ROPN1: variants seen among roughly 807,000 people sequenced by gnomAD.
The protein encoded by ROPN1 is ropporin-1A.
Under a neutral mutation model 20.5 loss-of-function variants are expected in ROPN1, and 14 were observed. The ratio of observed to expected loss-of-function variants is 0.68; its 90% confidence interval spans 0.45 to 1.07. ROPN1 has a LOEUF of 1.07. Among genes scored for constraint, ROPN1 ranks in the 50% least tolerant of loss-of-function variants. The probability of loss-of-function intolerance (pLI) is 0.00; values close to 1 mark genes in which losing one functional copy is unlikely to be tolerated. For missense variants in ROPN1, 169 were observed against 242.8 expected (o/e 0.70, Z 2.02); for synonymous variants, 76 against 95.7 (o/e 0.79, Z 1.20).
At position 123,980,474 on chromosome 3, in the gene ROPN1, T is replaced by C. The variant is rs1440187857; in HGVS notation, c.8A>G (p.Gln3Arg). The change falls in exon 2 of 6, where the codon CAG (glutamine) becomes CGG (arginine). Residue 3 changes from glutamine (Q) to arginine (R), a missense_variant. Around this residue, in one of 3 missense-constraint regions of ROPN1, gnomAD observed 84 missense variants for 99.3 expected, o/e 0.85. Transcript: ENST00000405845. MA[Q>R]TDKPTCIPPE... ...CGGGATGCATGTTGGCTTATCTGTC[T>C]GAGCCATTGATTGGTTGGCCTATTC... 1.9e-6 allele frequency: 3 copies of C among 1,614,032 alleles called. No homozygotes were observed. The highest frequency in any genetic ancestry group is 1.7e-6 in the Non-Finnish European group (2 of 1,180,010).
intron 1 of ROPN1, among the ~76,000 whole-genome samples, chr3:123,984,021 G>T (rs959287121): frequency 6.6e-6 from 1 of 152,034 alleles, no homozygotes; most frequent in Non-Finnish European, 1.5e-5. Context: ...GATAGCATAC[G>T]CCATTCTTGT....
At chr3:123,979,652 C>T (rs1158396403) in intron 2 of ROPN1, 3 of 375,042 alleles carry the variant, frequency 8.0e-6, no homozygotes, top group African/African-American at 6.4e-5. Context: ...TGAAAGAAGG[C>T]ACCCGTGTTT....
intron 1 of ROPN1, chr3:123,981,520 A>G (rs2038146590): frequency 6.5e-6 from 1 of 153,790 alleles, no homozygotes; most frequent in Non-Finnish European, 1.5e-5. Context: ...AGACCCGCCC[A>G]GGGACTACAC....
chr3:123,980,819 T>A (rs1394347570), intron 1 of ROPN1: 1 of 222,630 alleles, frequency 4.5e-6, no homozygotes, highest in Non-Finnish European at 8.7e-6. Flanking sequence ...AGTATATATA[T>A]GTTTGTAAAA....
chr3:123,985,582 T>G (rs1220369226), intron 1 of ROPN1, among the ~76,000 whole-genome samples: 1 of 152,198 alleles, frequency 6.6e-6, no homozygotes, highest in African/African-American at 2.4e-5. Flanking sequence ...TAAACAAATA[T>G]CCAAAATCTG....
chr3:123,970,094 C>G lies in ROPN1; in HGVS notation c.520G>C (p.Glu174Gln), dbSNP rs1433877469. The change falls in exon 5 of 6, where the codon GAG (glutamate) becomes CAG (glutamine). Residue 174 changes from glutamate to glutamine, a missense_variant. Coordinates refer to ENST00000405845, the MANE Select transcript of ROPN1 (RefSeq NM_001317774.2). ...LYTYIAKVDG[E>Q]ISASHVSRML... ...CTGCTGACATGTGATGCAGAGATCTCCCCATCCACTTTGGCAATATACGTG... is the reference window on the plus strand; with the variant it reads ...CTGCTGACATGTGATGCAGAGATCTGCCCATCCACTTTGGCAATATACGTG... 6.2e-7 allele frequency: 1 copy of G among 1,614,060 alleles called. No individual in the cohort carries two copies. The highest frequency in any genetic ancestry group is 1.3e-5 in the African/African-American group (1 of 74,928).
At chr3:123,982,264 G>A (rs1038317681) in intron 1 of ROPN1, among the ~76,000 whole-genome samples, 3 of 152,166 alleles carry the variant, frequency 2.0e-5, no homozygotes, top group African/African-American at 4.8e-5. Context: ...CAATTGTTAA[G>A]ACAATAACAA....
chr3:123,976,813 A>C (rs1234141967), intron 3 of ROPN1, 51 bp downstream of exon 3: 1 of 1,558,028 alleles, frequency 6.4e-7, no homozygotes. Flanking sequence ...GTACCCACCC[A>C]GCCTCAACAC....
At chr3:123,986,284 T>C (rs2038254591) in intron 1 of ROPN1, among the ~76,000 whole-genome samples, 1 of 151,686 alleles carries the variant, frequency 6.6e-6, no homozygotes. Context: ...TAAAAGGTAA[T>C]TTAAAATTAA....
chr3:123,985,399 C>G (rs925709885), intron 1 of ROPN1, among the ~76,000 whole-genome samples: 10 of 152,108 alleles, frequency 6.6e-5, no homozygotes, highest in African/African-American at 2.4e-4. Flanking sequence ...ATTTAATTTT[C>G]TCTTATTTTT....
chr3:123,969,974 A>G (rs2037882658), intron 5 of ROPN1, 68 bp downstream of exon 5: 1 of 1,484,766 alleles, frequency 6.7e-7, no homozygotes, highest in Non-Finnish European at 9.3e-7. Flanking sequence ...CAATAATCTC[A>G]CTATCTTGGC....
intron 4 of ROPN1, 34 bp from the exon 5 acceptor site, chr3:123,970,251 C>G: frequency 1.9e-6 from 3 of 1,576,840 alleles, no homozygotes; most frequent in Admixed American, 1.7e-5. Context: ...GAGAAAGTTA[C>G]TCTTCCAGGC....
chr3:123,972,699 A>G (rs2037941061), intron 4 of ROPN1, among the ~76,000 whole-genome samples: 1 of 152,204 alleles, frequency 6.6e-6, no homozygotes, highest in Non-Finnish European at 1.5e-5. Flanking sequence ...CTGTTACTAG[A>G]TCTTCTACAA....
chr3:123,976,188 C>T (rs916669110), intron 3 of ROPN1, among the ~76,000 whole-genome samples: 7 of 152,130 alleles, frequency 4.6e-5, no homozygotes, highest in Non-Finnish European at 1.0e-4. Context: ...CACAGATGCC[C>T]GATGAAGTGC....
At chr3:123,974,444 T>G (rs1368507942) in intron 4 of ROPN1, 2 of 152,200 alleles carry the variant, frequency 1.3e-5, no homozygotes, top group African/African-American at 4.8e-5. Flanking sequence ...AAGAAATGAT[T>G]ATGATGAAGG....
chr3:123,970,601 T>C (rs1016694067), intron 4 of ROPN1, among the ~76,000 whole-genome samples: 101 of 152,290 alleles, frequency 6.6e-4, no homozygotes, highest in African/African-American at 2.3e-3. Context: ...AGGGCTGAGA[T>C]AGATGGTCTA....
intron 1 of ROPN1, among the ~76,000 whole-genome samples, chr3:123,990,022 T>C (rs930332073): frequency 4.6e-5 from 7 of 152,208 alleles, no homozygotes; most frequent in Admixed American, 3.3e-4. Flanking sequence ...TCTTGTTAAA[T>C]TATATGCTCA....
At chr3:123,977,013 T>A in intron 2 of ROPN1, 32 bp from the exon 3 acceptor site, 1 of 1,581,392 alleles carries the variant, frequency 6.3e-7, no homozygotes, top group Non-Finnish European at 8.6e-7. Flanking sequence ...AGTAGGAGGA[T>A]CCTATACACC....
At chr3:123,972,893 T>A (rs971719177) in intron 4 of ROPN1, among the ~76,000 whole-genome samples, 1 of 152,228 alleles carries the variant, frequency 6.6e-6, no homozygotes, top group African/African-American at 2.4e-5. Flanking sequence ...GGGTAATTTA[T>A]AAACAACAGA....
Sources: gnomAD v4.1 joint callset for allele counts (sites outside exome capture counted in the v4.1 genomes callset) on GRCh38, gnomAD v4.1.1 for gene constraint, gnomAD v4.1.1 regional missense constraint, MANE v1.5 for transcripts, NCBI Gene and HGNC (gene_info 2026-07-23, HGNC 2026-07-21) for gene names.